FHIT: variants seen among roughly 807,000 people sequenced by gnomAD.
FHIT encodes fragile histidine triad diadenosine triphosphatase.
FHIT carries 19 observed loss-of-function variants against 17.9 expected under a neutral mutation model. That is an observed-to-expected ratio of 1.06 (90% CI 0.74 to 1.56). The LOEUF is 1.56. Ranked by LOEUF, FHIT falls within the 40% of genes most tolerant of loss-of-function variation. The pLI is 0.00. For missense variants in FHIT, 248 were observed against 189.2 expected, an observed-to-expected ratio of 1.31 and a Z score of -1.82; for synonymous variants, 81 against 69.7, an observed-to-expected ratio of 1.16 and a Z score of -0.81.
At chr3:60,453,370 C>T (rs1238359422) in intron 5 of FHIT, among the ~76,000 whole-genome samples, 1 of 152,054 alleles carries the variant, frequency 6.6e-6, no homozygotes, top group Non-Finnish European at 1.5e-5. Context: ...CTCTTAAAGG[C>T]GAGGTAACAG....
chr3:60,515,105 G>A (rs369894551), intron 5 of FHIT, among the ~76,000 whole-genome samples: 2 of 152,126 alleles, frequency 1.3e-5, no homozygotes, highest in African/African-American at 4.8e-5. Context: ...GCGGAGTGGT[G>A]CCTGGAGGAA....
At chr3:61,016,618 C>A (rs2032121630) in intron 3 of FHIT, among the ~76,000 whole-genome samples, 1 of 152,236 alleles carries the variant, frequency 6.6e-6, no homozygotes, top group Non-Finnish European at 1.5e-5. Context: ...TTCAACATTT[C>A]TTTCTGTGGG....
In FHIT at chr3:60,076,006, T is replaced by C. The variant is rs139581699; in HGVS notation, c.104-61854A>G. 7.5e-4 allele frequency among the ~76,000 whole-genome samples: 114 copies of C among 152,250 alleles called. 1 individual carries two copies. The highest frequency in any genetic ancestry group is 2.6e-3 in the African/African-American group (106 of 41,558). The stretch of plus-strand genomic sequence containing the variant: ...ATTGCTAATTTATGTCTATCTGCAA[T>C]TGTTACTTGGGCTGAAACAAAAGTT... On this transcript the variant is annotated intron_variant, in intron 5 of 9. Coordinates refer to ENST00000492590, the MANE Select transcript of FHIT (RefSeq NM_002012.4).
rs34723569 is a variant in FHIT at position 60,794,373 on chromosome 3, A to AATGGATGG, written c.-18+27538_-18+27545dup. Among the ~76,000 whole-genome samples the AATGGATGG allele has an allele frequency of 6.3e-3, 946 of 149,610 alleles. 7 individuals carry two copies. The highest frequency in any genetic ancestry group is 7.6e-3 in the Non-Finnish European group (511 of 67,408). On this transcript the variant is annotated intron_variant, in intron 4 of 9. Transcript: ENST00000492590. ...GCAAAGAGGAAGGAAGGGAAGGAAAAATGGATGGATGGATGGATGGATGGA... is the reference window on the plus strand; with the variant it reads ...GCAAAGAGGAAGGAAGGGAAGGAAAAATGGATGGATGGATGGATGGATGGATGGATGGA...
At chr3:60,117,401 T>A (rs932139178) in intron 5 of FHIT, among the ~76,000 whole-genome samples, 8 of 151,778 alleles carry the variant, frequency 5.3e-5, no homozygotes, top group Admixed American at 2.6e-4. Context: ...GATTTAAATT[T>A]TTTTATTTTT....
At chr3:60,405,876 A>G (rs1701837379) in intron 5 of FHIT, among the ~76,000 whole-genome samples, 1 of 152,206 alleles carries the variant, frequency 6.6e-6, no homozygotes, top group South Asian at 2.1e-4. Context: ...TGTTGTCTGC[A>G]GCTAAAAATG....
chr3:60,046,621 A>C (rs995652073), intron 5 of FHIT, among the ~76,000 whole-genome samples: 1 of 152,252 alleles, frequency 6.6e-6, no homozygotes, highest in Non-Finnish European at 1.5e-5. Flanking sequence ...AGGACACCTG[A>C]AAGAGAAACA....
At chr3:60,245,114 T>C (rs1199489741) in intron 5 of FHIT, among the ~76,000 whole-genome samples, 2 of 152,004 alleles carry the variant, frequency 1.3e-5, no homozygotes, top group South Asian at 2.1e-4. Context: ...TCCCCTAGGA[T>C]AGAGAATATG....
chr3:59,931,364 G>C (rs1397205898), intron 7 of FHIT, among the ~76,000 whole-genome samples: 1 of 151,994 alleles, frequency 6.6e-6, no homozygotes, highest in East Asian at 1.9e-4. Context: ...TCGAGTCAAG[G>C]GTCAGCATGA....
At chr3:60,893,108 C>T (rs1553761050) in intron 3 of FHIT, among the ~76,000 whole-genome samples, 1 of 152,124 alleles carries the variant, frequency 6.6e-6, no homozygotes, top group Admixed American at 6.5e-5. Context: ...TGAAGCAGGT[C>T]AGAAGCCCCT....
At chr3:61,102,710 C>A (rs971186545) in intron 2 of FHIT, among the ~76,000 whole-genome samples, 6 of 152,130 alleles carry the variant, frequency 3.9e-5, no homozygotes, top group East Asian at 1.9e-4. Context: ...GTAGGCTATT[C>A]ATTATTGCCT....
chr3:60,583,514 G>A (rs2037813376), intron 4 of FHIT, among the ~76,000 whole-genome samples: 1 of 152,044 alleles, frequency 6.6e-6, no homozygotes, highest in African/African-American at 2.4e-5. Flanking sequence ...AACAAAAAGG[G>A]CAAGACTGGA....
chr3:59,911,152 A>T (rs767763468), intron 8 of FHIT, among the ~76,000 whole-genome samples: 1 of 152,114 alleles, frequency 6.6e-6, no homozygotes, highest in Non-Finnish European at 1.5e-5. Context: ...ATTCATAAAA[A>T]CTCATTTGAT....
At chr3:60,715,951 G>C (rs981946961) in intron 4 of FHIT, among the ~76,000 whole-genome samples, 1 of 152,104 alleles carries the variant, frequency 6.6e-6, no homozygotes, top group African/African-American at 2.4e-5. Flanking sequence ...TGTGGTTCTA[G>C]ATTCAAAATG....
chr3:60,095,034 T>C (rs1018547000), intron 5 of FHIT, among the ~76,000 whole-genome samples: 5 of 152,196 alleles, frequency 3.3e-5, no homozygotes, highest in Non-Finnish European at 7.3e-5. Context: ...GGGTGGTAGC[T>C]TTCATGCAAA....
chr3:60,663,153 G>GTGATATATATATATATATATATATATAT (rs57146494), intron 4 of FHIT, among the ~76,000 whole-genome samples: 2,947 of 77,926 alleles, frequency 0.038, 814 homozygotes, highest in Non-Finnish European at 0.049. Context: ...ATTGGGTGGA[G>GTGATATATATATATATATATATATATAT]ATATATATCT....
intron 5 of FHIT, among the ~76,000 whole-genome samples, chr3:60,052,147 T>C (rs7630156): frequency 2.4e-3 from 371 of 152,058 alleles, no homozygotes; most frequent in African/African-American, 8.2e-3. Context: ...GGAACAGAGG[T>C]GAATGTAGGA....
chr3:60,689,647 G>A (rs1240873015), intron 4 of FHIT, among the ~76,000 whole-genome samples: 8 of 152,002 alleles, frequency 5.3e-5, no homozygotes, highest in Non-Finnish European at 1.2e-4. Context: ...TTCTAATAGT[G>A]GCACCTGGTA....
At chr3:61,136,625 C>T (rs1442660849) in intron 2 of FHIT, among the ~76,000 whole-genome samples, 1 of 152,142 alleles carries the variant, frequency 6.6e-6, no homozygotes, top group Admixed American at 6.5e-5. Context: ...AATATTAAAA[C>T]CACATGCTTA....
Sources: gnomAD v4.1 joint callset for allele counts (sites outside exome capture counted in the v4.1 genomes callset) on GRCh38, gnomAD v4.1.1 for gene constraint, MANE v1.5 for transcripts, NCBI Gene and HGNC (gene_info 2026-07-23, HGNC 2026-07-21) for gene names.